GCC2: variants seen among roughly 807,000 people sequenced by gnomAD.
GCC2 encodes GRIP and coiled-coil domain containing 2.
GCC2 carries 120 observed loss-of-function variants against 210.6 expected under a neutral mutation model. That is an observed-to-expected ratio of 0.57 (90% CI 0.49 to 0.66). GCC2 has a LOEUF of 0.66. Ranked by LOEUF, GCC2 falls within the 30% of genes least tolerant of loss-of-function variation. GCC2 has a pLI of 0.00. For synonymous variants in GCC2, 703 were observed against 652.7 expected, an observed-to-expected ratio of 1.08 and a Z score of -1.17; for missense variants, 1,868 against 1,871.9, an observed-to-expected ratio of 1.00 and a Z score of 0.04.
At chr2:108,485,584 C>A in intron 13 of GCC2, 52 bp from the exon 14 acceptor site, 1 of 928,974 alleles carries the variant, frequency 1.1e-6, no homozygotes, top group South Asian at 1.7e-5. Context: ...TATTTAAATT[C>A]ACTGATAAAA....
intron 5 of GCC2, 107 bp from the exon 6 acceptor site, chr2:108,469,544 C>T (rs1681074198): frequency 1.4e-6 from 1 of 708,554 alleles, no homozygotes; most frequent in South Asian, 2.0e-5. Context: ...TACATTTCTG[C>T]TCATTTACTT....
intron 19 of GCC2, chr2:108,493,864 A>G (rs1410410279): frequency 2.0e-6 from 2 of 985,324 alleles, no homozygotes; most frequent in Non-Finnish European, 2.4e-6. Flanking sequence ...ATAAGCAGTC[A>G]GCTTACCAGA....
chr2:108,453,545 G>A (rs1390475995), intron 4 of GCC2, among the ~76,000 whole-genome samples: 2 of 152,136 alleles, frequency 1.3e-5, no homozygotes, highest in Non-Finnish European at 2.9e-5. Flanking sequence ...AGCACTTTGG[G>A]AGGCCAAGGT....
Position 108,472,005 on chromosome 2 carries a change from T to G in GCC2, c.2676T>G (p.Ser892Arg). The G allele has an allele frequency of 6.2e-7, 1 of 1,600,388 alleles. No homozygotes were observed. Among genetic ancestry groups the G allele is most frequent in the Non-Finnish European group, 8.5e-7 (1 of 1,175,916 alleles). ...VEEVSQTCSK[S>R]EIHNEKEKCF... ...AAGTATCTCAAACATGTAGCAAAAG[T>G]GAAATCCATAATGAAAAAGAAAAAT... The change falls in exon 6 of 23, where the codon AGT becomes AGG. Residue 892 changes from serine (S) to arginine (R), a missense_variant. By Grantham distance (110) the Ser-to-Arg change is moderately radical (BLOSUM62 -1). Transcript: ENST00000309863.
rs41280574 is a variant in GCC2 at position 108,486,556 on chromosome 2, C to T, written c.3838C>T (p.His1280Tyr). The T allele has an allele frequency of 0.015, 24,416 of 1,613,974 alleles. 262 individuals carry two copies. Among genetic ancestry groups the T allele is most frequent in the Non-Finnish European group, 0.017 (19,613 of 1,179,856 alleles). ...ITSEKHKIHEHLKTSAEQHQR... is the reference protein window; with the variant it reads ...ITSEKHKIHEYLKTSAEQHQR... ...ATCAGAGAAGCACAAAATCCACGAG[C>T]ACCTGAAAACCTCTGCGGAACAGCA... Residue 1280 changes from histidine (H) to tyrosine (Y), a missense_variant, in exon 16 of 23, where the codon CAC (histidine) becomes TAC (tyrosine). Coordinates refer to ENST00000309863, the MANE Select transcript of GCC2 (RefSeq NM_181453.4).
intron 1 of GCC2, 32 bp from the exon 2 acceptor site, chr2:108,449,601 T>G (rs1679797421): frequency 6.2e-7 from 1 of 1,604,786 alleles, no homozygotes; most frequent in East Asian, 2.2e-5. Flanking sequence ...AAAAGAGTTC[T>G]TCTGACACCT....
At chr2:108,461,549 A>G (rs1281720806) in intron 4 of GCC2, among the ~76,000 whole-genome samples, 1 of 152,124 alleles carries the variant, frequency 6.6e-6, no homozygotes. Flanking sequence ...CTTGTGGCCC[A>G]GGCTGGAGTG....
intron 22 of GCC2, among the ~76,000 whole-genome samples, chr2:108,503,104 A>G (rs1267641304): frequency 6.6e-6 from 1 of 152,122 alleles, no homozygotes; most frequent in African/African-American, 2.4e-5. Context: ...ATGGCTGGAA[A>G]TCTTTCAGAA....
intron 1 of GCC2, 64 bp downstream of exon 1, chr2:108,449,344 G>T: frequency 6.5e-7 from 1 of 1,530,676 alleles, no homozygotes; most frequent in Non-Finnish European, 8.8e-7. Flanking sequence ...GGATGTGGGA[G>T]TGGGCCCGAT....
intron 4 of GCC2, among the ~76,000 whole-genome samples, chr2:108,463,617 C>T (rs1039242130): frequency 2.6e-5 from 4 of 152,138 alleles, no homozygotes; most frequent in African/African-American, 4.8e-5. Flanking sequence ...ATGCCTGTCC[C>T]TGGGCCCCAG....
Position 108,507,787 on chromosome 2 carries a change from C to G in GCC2, c.*157C>G, listed in dbSNP as rs1292804203. The stretch of plus-strand genomic sequence containing the variant: ...GACAGATGTATTTTAAAAGTTTCAT[C>G]TTGAAGTAAAAGTACAACAGCTTGA... On this transcript the variant is annotated 3_prime_UTR_variant, in exon 23 of 23. Coordinates refer to ENST00000309863, the MANE Select transcript of GCC2 (RefSeq NM_181453.4). 3.5e-6 allele frequency: 2 copies of G among 568,234 alleles called. No individual in the cohort carries two copies. Among genetic ancestry groups the G allele is most frequent in the African/African-American group, 3.8e-5 (2 of 52,082 alleles). The allele number at this position is 568,234 out of a possible 1,614,324, so 35.2% of individuals were successfully genotyped here.
In GCC2 at chr2:108,471,919, A is replaced by G. The variant is rs536516536; in HGVS notation, c.2590A>G (p.Met864Val). 3.7e-6 allele frequency: 6 copies of G among 1,601,658 alleles called. No homozygotes were observed. Among genetic ancestry groups the G allele is most frequent in the African/African-American group, 2.7e-5 (2 of 74,028 alleles). ...GGCCCTGCAGTCTGATCTTCTAGAA[A>G]TGAAGAATGCTAATGAAAAAACAAG... ...KEALQSDLLEMKNANEKTRLE... is the reference protein window; with the variant it reads ...KEALQSDLLEVKNANEKTRLE... Residue 864 changes from methionine to valine, a missense_variant, in exon 6 of 23, where the codon ATG becomes GTG. Met to Val is a conservative substitution (Grantham distance 21, BLOSUM62 1). Coordinates refer to ENST00000309863, the MANE Select transcript of GCC2 (RefSeq NM_181453.4).
At chr2:108,452,032 C>T (rs2718751) in intron 3 of GCC2, among the ~76,000 whole-genome samples, 33,978 of 151,638 alleles carry the variant, frequency 0.22, 4,214 homozygotes, top group African/African-American at 0.32. Flanking sequence ...TTAGTAGAGA[C>T]GAGGTTTCAC....
Position 108,470,610 on chromosome 2 carries a change from G to C in GCC2, c.1281G>C (p.Gln427His). 2 of 1,611,716 alleles carry C rather than the reference G, an allele frequency of 1.2e-6. No homozygotes were observed. The highest frequency in any genetic ancestry group is 1.7e-6 in the Non-Finnish European group (2 of 1,178,514). The change falls in exon 6 of 23, where the codon CAG becomes CAC. Residue 427 changes from glutamine to histidine, a missense_variant. By Grantham distance (24) the Gln-to-His change is conservative. Around this residue, in one of 3 missense-constraint regions of GCC2, gnomAD observed 1,847 missense variants for 1,765.2 expected, o/e 1.05. Coordinates refer to ENST00000309863, the MANE Select transcript of GCC2 (RefSeq NM_181453.4). Reference protein sequence around the residue: ...YTVEQHNREVQSLKEQHQKEI... With the variant: ...YTVEQHNREVHSLKEQHQKEI... ...TAGAACAGCATAACAGAGAAGTACA[G>C]AGTCTTAAGGAACAACATCAAAAAG...
At chr2:108,464,305 C>A (rs539528759) in intron 4 of GCC2, among the ~76,000 whole-genome samples, 110 of 152,252 alleles carry the variant, frequency 7.2e-4, no homozygotes, top group Middle Eastern at 3.4e-3. Context: ...GCTCAGCCAC[C>A]CCTCTGCATG....
At chr2:108,498,564 A>G (rs1215947017) in intron 21 of GCC2, among the ~76,000 whole-genome samples, 2 of 152,108 alleles carry the variant, frequency 1.3e-5, no homozygotes, top group Non-Finnish European at 2.9e-5. Context: ...ACTTTTTTAA[A>G]TGGTCCTAGG....
At chr2:108,479,016 A>AC (rs1158629267) in intron 9 of GCC2, among the ~76,000 whole-genome samples, 1 of 152,018 alleles carries the variant, frequency 6.6e-6, no homozygotes, top group African/African-American at 2.4e-5. Flanking sequence ...ACATGGTGAA[A>AC]CCCCATCTCT....
intron 22 of GCC2, among the ~76,000 whole-genome samples, chr2:108,502,188 C>T (rs1168796222): frequency 6.6e-6 from 1 of 152,102 alleles, no homozygotes; most frequent in East Asian, 1.9e-4. Flanking sequence ...TCAACCAGGA[C>T]TTTAAGAACG....
At chr2:108,476,054 CTTT>C (rs56236751) in intron 9 of GCC2, among the ~76,000 whole-genome samples, 3 of 96,326 alleles carry the variant, frequency 3.1e-5, no homozygotes, top group Non-Finnish European at 6.4e-5. Context: ...TAGTGGCTTG[CTTT>C]TTTTTTTTTT....
Sources: allele counts gnomAD v4.1 joint callset (sites outside exome capture counted in the v4.1 genomes callset), GRCh38; gene constraint gnomAD v4.1.1; regional missense constraint gnomAD v4.1.1; transcripts MANE v1.5; gene names NCBI Gene and HGNC (gene_info 2026-07-23, HGNC 2026-07-21).